HIVEP3: variants seen among roughly 807,000 people sequenced by gnomAD.
The protein encoded by HIVEP3 is transcription factor HIVEP3.
Under a neutral mutation model 152.8 loss-of-function variants are expected in HIVEP3, and 49 were observed. That is an observed-to-expected ratio of 0.32 (90% CI 0.26 to 0.41). HIVEP3 has a LOEUF of 0.41. Among genes scored for constraint, HIVEP3 ranks in the 10% least tolerant of loss-of-function variants. The pLI is 1.00. For missense variants in HIVEP3, 2,790 were observed against 3,103.3 expected, an observed-to-expected ratio of 0.90 and a Z score of 2.40; for synonymous variants, 1,269 against 1,289.0, an observed-to-expected ratio of 0.98 and a Z score of 0.33.
At chr1:41,849,635 C>T (rs950837166) in intron 1 of HIVEP3, among the ~76,000 whole-genome samples, 2 of 152,106 alleles carry the variant, frequency 1.3e-5, no homozygotes, top group African/African-American at 4.8e-5. Flanking sequence ...AGACATGCAA[C>T]TACTTGCTGT....
chr1:41,632,773 TAAA>T (rs988170548), intron 2 of HIVEP3, among the ~76,000 whole-genome samples: 1 of 149,718 alleles, frequency 6.7e-6, no homozygotes, highest in Non-Finnish European at 1.5e-5. Context: ...AAAAAAAGAA[TAAA>T]AAAAAGATAA....
intron 5 of HIVEP3, among the ~76,000 whole-genome samples, chr1:41,536,596 A>G (rs1417765859): frequency 1.3e-5 from 2 of 152,170 alleles, no homozygotes; most frequent in African/African-American, 4.8e-5. Context: ...CCTGGGAGGC[A>G]GGGCATATCC....
At chr1:41,768,911 A>G (rs1295206693) in intron 1 of HIVEP3, among the ~76,000 whole-genome samples, 2 of 152,246 alleles carry the variant, frequency 1.3e-5, no homozygotes, top group African/African-American at 4.8e-5. Flanking sequence ...TCAGGACCTC[A>G]GGCCGCATCC....
intron 2 of HIVEP3, among the ~76,000 whole-genome samples, chr1:41,652,036 C>T (rs1470890696): frequency 6.6e-6 from 1 of 152,166 alleles, no homozygotes; most frequent in African/African-American, 2.4e-5. Context: ...CTTCTGGGTT[C>T]CTGACAAACT....
At chr1:41,969,347 G>C (rs542510316) in intron 1 of HIVEP3, among the ~76,000 whole-genome samples, 1 of 152,172 alleles carries the variant, frequency 6.6e-6, no homozygotes, top group Admixed American at 6.5e-5. Context: ...TCATGATACT[G>C]GTACAAAATA....
chr1:41,658,160 T>C (rs1486479438), intron 2 of HIVEP3, among the ~76,000 whole-genome samples: 2 of 152,234 alleles, frequency 1.3e-5, no homozygotes, highest in East Asian at 3.8e-4. Context: ...AAGAAATCTG[T>C]TAATTGGTTT....
chr1:41,781,429 T>C (rs1325889127), intron 1 of HIVEP3, among the ~76,000 whole-genome samples: 1 of 152,214 alleles, frequency 6.6e-6, no homozygotes, highest in African/African-American at 2.4e-5. Flanking sequence ...CACATCCAAA[T>C]GGCTCCTGGG....
chr1:41,852,245 T>C (rs922466688), intron 1 of HIVEP3, among the ~76,000 whole-genome samples: 2 of 152,194 alleles, frequency 1.3e-5, no homozygotes, highest in Admixed American at 6.5e-5. Context: ...GGTGCTGGCA[T>C]GGGCTCCTCA....
intron 1 of HIVEP3, among the ~76,000 whole-genome samples, chr1:41,732,225 G>T (rs1052409051): frequency 6.6e-6 from 1 of 152,180 alleles, no homozygotes; most frequent in African/African-American, 2.4e-5. Context: ...AGCAGAGGCG[G>T]GTTCTCCAGT....
chr1:42,035,484 A>G (rs1389148971), intron 1 of HIVEP3, among the ~76,000 whole-genome samples: 1 of 152,134 alleles, frequency 6.6e-6, no homozygotes, highest in Non-Finnish European at 1.5e-5. Flanking sequence ...TCTGCCTGGG[A>G]GCGCGTTGCG....
chr1:41,945,784 T>TCCTA (rs1325150297), intron 1 of HIVEP3, among the ~76,000 whole-genome samples: 1 of 152,054 alleles, frequency 6.6e-6, no homozygotes, highest in Non-Finnish European at 1.5e-5. Flanking sequence ...AGGAAGAAAA[T>TCCTA]CCTACCGCCT....
chr1:41,961,147 G>A (rs2124497511), intron 1 of HIVEP3, among the ~76,000 whole-genome samples: 1 of 152,304 alleles, frequency 6.6e-6, no homozygotes, highest in South Asian at 2.1e-4. Flanking sequence ...TAGTCCTAAA[G>A]CCACCAAGCT....
rs150798704 is a variant in HIVEP3, at chr1:41,858,344, C to A, written c.-801+60069G>T. Among the ~76,000 whole-genome samples, 20 of 152,250 alleles carry A rather than the reference C, an allele frequency of 1.3e-4. No homozygotes were observed. The East Asian group carries it at 3.9e-3, about 29-fold the overall frequency. ...ATTTGAGTGTACCTGCCTATGTGCA[C>A]ATTTGTTTATTTATAAATTATATTC... On this transcript the variant is annotated intron_variant, in intron 1 of 8. Coordinates refer to ENST00000372583, the MANE Select transcript of HIVEP3 (RefSeq NM_024503.5).
At chr1:41,845,833 G>A (rs914965924) in intron 1 of HIVEP3, among the ~76,000 whole-genome samples, 10 of 152,156 alleles carry the variant, frequency 6.6e-5, no homozygotes, top group Non-Finnish European at 8.8e-5. Flanking sequence ...TTGGGAGGCC[G>A]AGGCAGGTGG....
intron 1 of HIVEP3, among the ~76,000 whole-genome samples, chr1:41,802,608 A>G (rs901034694): frequency 1.3e-5 from 2 of 152,202 alleles, no homozygotes; most frequent in African/African-American, 4.8e-5. Context: ...TCTCCAAGGC[A>G]TTGCCAAAGT....
chr1:41,716,530 G>A (rs967585654), intron 1 of HIVEP3, among the ~76,000 whole-genome samples: 11 of 152,200 alleles, frequency 7.2e-5, no homozygotes, highest in Non-Finnish European at 1.2e-4. Flanking sequence ...GGGGGGCCCC[G>A]ATGAGGGTGA....
chr1:41,886,206 C>T (rs1644344052), intron 1 of HIVEP3, among the ~76,000 whole-genome samples: 1 of 152,102 alleles, frequency 6.6e-6, no homozygotes, highest in Admixed American at 6.5e-5. Context: ...TGGGATCCAG[C>T]ATAAGGGAAA....
Position 41,924,170 on chromosome 1 carries a change from C to T in HIVEP3, n.120-5646G>A, listed in dbSNP as rs1000189409. On this transcript the variant is annotated intron_variant and non_coding_transcript_variant, in intron 1 of 3. Transcript: ENST00000489103. ...GGGCTAGAGGGCAACGTGACTACAG[C>T]GGCTGAGATTGGAGTGATGCAGCCA... Among the ~76,000 whole-genome samples the T allele has an allele frequency of 5.9e-5, 9 of 152,238 alleles. No homozygotes were observed. In the South Asian group the frequency reaches 6.2e-4, roughly 11 times the overall value.
chr1:41,700,682 C>T (rs1006308080), intron 2 of HIVEP3, among the ~76,000 whole-genome samples: 5 of 152,254 alleles, frequency 3.3e-5, no homozygotes, highest in Admixed American at 1.3e-4. Flanking sequence ...TTTCCCTTGG[C>T]TCCTGGCCCA....
Sources: allele counts gnomAD v4.1 joint callset (sites outside exome capture counted in the v4.1 genomes callset), GRCh38; gene constraint gnomAD v4.1.1; transcripts MANE v1.5; gene names NCBI Gene and HGNC (gene_info 2026-07-23, HGNC 2026-07-21).